Variants in HAUS8 observed in about 807,000 individuals in gnomAD.
HAUS8 encodes the protein HAUS augmin like complex subunit 8.
In HAUS8, 38 loss-of-function variants were observed where a neutral mutation model predicts 42.9. The observed-to-expected ratio is 0.89, with a 90% CI of 0.68 to 1.16. HAUS8 has a LOEUF of 1.16. HAUS8 is among the 50% of genes most tolerant of loss of function. The pLI is 0.00. For missense variants in HAUS8, 494 were observed against 511.6 expected, an observed-to-expected ratio of 0.97 and a Z score of 0.33; for synonymous variants, 199 against 205.8, an observed-to-expected ratio of 0.97 and a Z score of 0.28.
At chr19:17,075,474 C>A, upstream of HAUS8, 1 of 1,605,782 alleles carries the variant, frequency 6.2e-7, no homozygotes. Context: ...AAAGCCGGAC[C>A]CGCCCCCTTG....
intron 3 of HAUS8, among the ~76,000 whole-genome samples, chr19:17,066,981 G>C (rs1002775417): frequency 2.6e-5 from 4 of 152,114 alleles, no homozygotes; most frequent in African/African-American, 9.7e-5. Flanking sequence ...GAGGCAGGTG[G>C]ATCATTTGAG....
intron 5 of HAUS8, 55 bp downstream of exon 5, chr19:17,059,942 T>C: frequency 7.7e-7 from 1 of 1,293,784 alleles, no homozygotes; most frequent in Non-Finnish European, 1.1e-6. Flanking sequence ...GGAAGCCCAC[T>C]GAGACCTACT....
chr19:17,055,127 AAAAAAAAAAAAAAAAAATATATAT>A (rs2057312249), intron 9 of HAUS8: 1 of 32,126 alleles, frequency 3.1e-5, no homozygotes, highest in Non-Finnish European at 5.4e-5. Context: ...AAAAAAAAAA[AAAAAAAAAAAAAAAAAATATATAT>A]ATATATATAT....
At chr19:17,068,821 TAA>T (rs1163007076) in intron 3 of HAUS8, among the ~76,000 whole-genome samples, 3 of 151,940 alleles carry the variant, frequency 2.0e-5, no homozygotes. Context: ...CACAGCTTCG[TAA>T]AAGAGATGCT....
intron 6 of HAUS8, 35 bp from the exon 7 acceptor site, chr19:17,058,911 T>G: frequency 1.3e-6 from 2 of 1,546,024 alleles, no homozygotes; most frequent in South Asian, 2.3e-5. Flanking sequence ...CAATTCCTGA[T>G]GAAGTGGTAT....
chr19:17,053,216 T>C (rs758009690), intron 9 of HAUS8: 11 of 538,232 alleles, frequency 2.0e-5, no homozygotes, highest in Non-Finnish European at 3.4e-5. Context: ...GTCACTCTGG[T>C]GTCCTCAACA....
intron 5 of HAUS8, 79 bp from the exon 6 acceptor site, chr19:17,059,730 G>A (rs1551552): frequency 0.44 from 386,170 of 885,360 alleles, 86,543 homozygotes; most frequent in South Asian, 0.57. Flanking sequence ...TTCTAATGAT[G>A]GGTTTATTGG....
In HAUS8 at chr19:17,071,576, G is replaced by A. The variant is rs571970609; in HGVS notation, c.91+1698C>T. On this transcript the variant is annotated intron_variant, in intron 2 of 10. Transcript: ENST00000253669. ...TCCCAGCAGAAAGACCATCCAGCCC[G>A]GGTCTTTCTAGTAGCATCAGGAAAC... is the stretch of plus-strand genomic sequence containing the variant. Among the ~76,000 whole-genome samples, 21 of 152,268 alleles carry A rather than the reference G, an allele frequency of 1.4e-4. No homozygotes were observed. The South Asian group carries it at 2.9e-3, about 21-fold the overall frequency.
Position 17,058,374 on chromosome 19 carries a change from C to T in HAUS8, c.645+175G>A, listed in dbSNP as rs1205882032. Among the ~76,000 whole-genome samples the T allele has an allele frequency of 3.9e-5, 6 of 152,248 alleles. No homozygotes were observed. The East Asian group carries it at 1.2e-3, about 29-fold the overall frequency. On this transcript the variant is annotated intron_variant, in intron 8 of 10. Coordinates refer to ENST00000253669, the MANE Select transcript of HAUS8 (RefSeq NM_033417.2). ...ACACTTTACTTTGTAACCTCATTCTCTAAAAGTGTCATCATAGACCAACAC... is the reference window on the plus strand; with the variant it reads ...ACACTTTACTTTGTAACCTCATTCTTTAAAAGTGTCATCATAGACCAACAC...
At chr19:17,075,133 G>A (rs2057460652) in intron 1 of HAUS8, 2 of 541,320 alleles carry the variant, frequency 3.7e-6, no homozygotes, top group Non-Finnish European at 6.7e-6. Context: ...GCGGAGGAAA[G>A]CGAGGCACTG....
chr19:17,053,104 C>T (rs2057298352), intron 9 of HAUS8, 138 bp from the exon 10 acceptor site: 1 of 962,320 alleles, frequency 1.0e-6, no homozygotes, highest in Admixed American at 2.4e-5. Flanking sequence ...AGGGAAGAAG[C>T]AGAAGCCAAG....
intron 5 of HAUS8, 142 bp downstream of exon 5, chr19:17,059,855 T>C: frequency 1.4e-6 from 1 of 698,024 alleles, no homozygotes; most frequent in Non-Finnish European, 2.5e-6. Context: ...AGGTATTAAG[T>C]ATATTTTTGA....
chr19:17,057,823 TA>T (rs1355239684), intron 8 of HAUS8, among the ~76,000 whole-genome samples: 6 of 152,062 alleles, frequency 3.9e-5, no homozygotes, highest in East Asian at 1.9e-4. Flanking sequence ...CATGAGGTGA[TA>T]GGGGGGTTGT....
chr19:17,070,657 G>T (rs185948727), intron 2 of HAUS8, among the ~76,000 whole-genome samples: 2 of 152,130 alleles, frequency 1.3e-5, no homozygotes, highest in Non-Finnish European at 2.9e-5. Flanking sequence ...GCCTCCTTAC[G>T]GTTCTCATGC....
intron 2 of HAUS8, among the ~76,000 whole-genome samples, chr19:17,070,761 C>T (rs1281337388): frequency 2.0e-5 from 3 of 152,162 alleles, no homozygotes; most frequent in African/African-American, 4.8e-5. Context: ...GGTAGGCACT[C>T]GATAATATGT....
rs752942758 is a variant in HAUS8 at position 17,056,010 on chromosome 19, C to T, written c.646-8G>A. The T allele has an allele frequency of 1.2e-6, 2 of 1,613,920 alleles. No homozygotes were observed. The highest frequency in any genetic ancestry group is 2.2e-5 in the South Asian group (2 of 91,088). The stretch of plus-strand genomic sequence containing the variant: ...GGGGCTGAGCATCTCGATCTGTAAG[C>T]AGAAGGGATAATCAGGGGAGACCCT... On this transcript the variant is annotated splice_polypyrimidine_tract_variant and splice_region_variant and intron_variant, in intron 8 of 10. Coordinates refer to ENST00000253669, the MANE Select transcript of HAUS8 (RefSeq NM_033417.2).
chr19:17,065,778 C>T lies in HAUS8; in HGVS notation c.148-2999G>A, dbSNP rs181823937. On this transcript the variant is annotated intron_variant, in intron 3 of 10. Transcript: ENST00000253669. The stretch of plus-strand genomic sequence containing the variant: ...GGCAGAGGTTGCAGTGAGCCAAGAT[C>T]GCACCACTGCATTCCAGACTGGGCG... Among the ~76,000 whole-genome samples the T allele has an allele frequency of 4.2e-4, 64 of 150,840 alleles. No individual in the cohort carries two copies. The East Asian group carries it at 8.2e-3, about 19-fold the overall frequency.
At chr19:17,068,739 G>A (rs1486441931) in intron 3 of HAUS8, among the ~76,000 whole-genome samples, 1 of 152,096 alleles carries the variant, frequency 6.6e-6, no homozygotes, top group Admixed American at 6.5e-5. Context: ...ACTCCAGCCT[G>A]GGCAACAGAG....
At chr19:17,074,915 G>A (rs924053353) in intron 1 of HAUS8, 2 of 163,508 alleles carry the variant, frequency 1.2e-5, no homozygotes, top group African/African-American at 4.8e-5. Context: ...CCCTCCCTGG[G>A]TCTCCATCAT....
Sources: allele counts gnomAD v4.1 joint callset (sites outside exome capture counted in the v4.1 genomes callset), GRCh38; gene constraint gnomAD v4.1.1; transcripts MANE v1.5; gene names NCBI Gene and HGNC (gene_info 2026-07-23, HGNC 2026-07-21).